ADGRV1: variants seen among roughly 807,000 people sequenced by gnomAD.
The protein encoded by ADGRV1 is adhesion G protein-coupled receptor V1.
ADGRV1 carries 359 observed loss-of-function variants against 596.2 expected under a neutral mutation model. That is an observed-to-expected ratio of 0.60 (90% CI 0.55 to 0.66). The LOEUF (loss-of-function observed/expected upper bound fraction) is 0.66. Ranked by LOEUF, ADGRV1 falls within the 30% of genes least tolerant of loss-of-function variation. The pLI is 0.00. For synonymous variants in ADGRV1, 2,681 were observed against 2,679.2 expected (o/e 1.00, Z -0.02); for missense variants, 7,274 against 7,575.6 (o/e 0.96, Z 1.48).
intron 85 of ADGRV1, among the ~76,000 whole-genome samples, chr5:91,018,192 G>A (rs1783331297): frequency 6.6e-6 from 1 of 151,960 alleles, no homozygotes; most frequent in Non-Finnish European, 1.5e-5. Context: ...GACCTTGTCT[G>A]TTCTGAAAGA....
At chr5:90,747,896 G>A (rs773564243) in intron 52 of ADGRV1, among the ~76,000 whole-genome samples, 56 of 152,148 alleles carry the variant, frequency 3.7e-4, no homozygotes, top group South Asian at 1.4e-3. Flanking sequence ...AAGCCCATTA[G>A]CATTGTAATG....
At chr5:90,785,954 A>G (rs1166597332) in intron 67 of ADGRV1, among the ~76,000 whole-genome samples, 1 of 152,208 alleles carries the variant, frequency 6.6e-6, no homozygotes. Context: ...ATGCACACGT[A>G]TTTTTATTGC....
chr5:90,621,111 G>A (rs1014598838), intron 4 of ADGRV1, among the ~76,000 whole-genome samples: 3 of 152,152 alleles, frequency 2.0e-5, no homozygotes, highest in Non-Finnish European at 2.9e-5. Flanking sequence ...CTAAAACCAA[G>A]TTTATCTCCA....
intron 29 of ADGRV1, among the ~76,000 whole-genome samples, chr5:90,688,450 C>T (rs1018595276): frequency 1.3e-5 from 2 of 152,056 alleles, no homozygotes; most frequent in African/African-American, 2.4e-5. Context: ...GTCCGCCTCC[C>T]GGGTTCAAGA....
At chr5:90,815,795 T>C in intron 75 of ADGRV1, 59 bp downstream of exon 75, 1 of 994,004 alleles carries the variant, frequency 1.0e-6, no homozygotes, top group Non-Finnish European at 1.6e-6. Flanking sequence ...ACAAATGTAA[T>C]TTCAATTCAT....
chr5:90,703,721 G>A lies in ADGRV1; in HGVS notation c.8212G>A (p.Val2738Ile), dbSNP rs1293681326. ...RTFPGRGNVT[V>I]NWKIIGQNLE... ...TTTCCCTGGTCGAGGAAATGTTACT[G>A]TTAACTGGAAAATTATTGGGCAAAA... is the stretch of plus-strand genomic sequence containing the variant. The change falls in exon 35 of 90, where the codon GTT becomes ATT. Residue 2738 changes from valine to isoleucine, a missense_variant. Physicochemically the swap from Val to Ile is conservative, Grantham distance 29 (BLOSUM62 3). This residue lies in a region of ADGRV1 where 3,643 missense variants were observed against 3,809.2 expected (regional missense o/e 0.96). Coordinates refer to ENST00000405460, the MANE Select transcript of ADGRV1 (RefSeq NM_032119.4). 3 of 1,604,864 alleles carry A rather than the reference G, an allele frequency of 1.9e-6. No homozygotes were observed. The highest frequency in any genetic ancestry group is 1.7e-5 in the Admixed American group (1 of 59,000).
intron 59 of ADGRV1, among the ~76,000 whole-genome samples, chr5:90,766,132 A>T (rs1757113268): frequency 6.6e-6 from 1 of 151,926 alleles, no homozygotes; most frequent in African/African-American, 2.4e-5. Flanking sequence ...GATGGTCTTG[A>T]TCTCCTGACC....
intron 5 of ADGRV1, among the ~76,000 whole-genome samples, chr5:90,624,387 T>G (rs1162870347): frequency 2.0e-5 from 3 of 152,212 alleles, no homozygotes; most frequent in Admixed American, 2.0e-4. Context: ...TGTTTTCAAC[T>G]TATCTATGGA....
chr5:90,622,541 G>T (rs73181620), intron 4 of ADGRV1, 56 bp from the exon 5 acceptor site: 2 of 697,050 alleles, frequency 2.9e-6, no homozygotes, highest in Non-Finnish European at 2.1e-6. Flanking sequence ...AGTTTTTACC[G>T]CCTCATACCT....
At chr5:90,610,254 A>G (rs1322188687) in intron 1 of ADGRV1, among the ~76,000 whole-genome samples, 1 of 152,016 alleles carries the variant, frequency 6.6e-6, no homozygotes, top group Non-Finnish European at 1.5e-5. Context: ...TGATGCTCTT[A>G]TGGGCTACGT....
intron 1 of ADGRV1, among the ~76,000 whole-genome samples, chr5:90,564,576 C>G (rs1270732941): frequency 6.6e-6 from 1 of 151,418 alleles, no homozygotes; most frequent in Non-Finnish European, 1.5e-5. Flanking sequence ...ATATGAAAAA[C>G]AATCACCTTT....
At chr5:90,853,200 G>A in intron 79 of ADGRV1, 84 bp from the exon 80 acceptor site, 1 of 1,293,420 alleles carries the variant, frequency 7.7e-7, no homozygotes, top group South Asian at 1.6e-5. Context: ...TAGAATCCAA[G>A]TGTAATGCAC....
rs944795830 is a variant in ADGRV1 at position 90,861,580 on chromosome 5, A to G, written c.17756-2177A>G. ...CACCTTGGCCTCCCAAAGTGCTGGG[A>G]TTACAGGCCTGAGCCACCATGCCCG... On this transcript the variant is annotated intron_variant, in intron 82 of 89. Coordinates refer to ENST00000405460, the MANE Select transcript of ADGRV1 (RefSeq NM_032119.4). Among the ~76,000 whole-genome samples, 5 of 152,216 alleles carry G rather than the reference A, an allele frequency of 3.3e-5. No homozygotes were observed. In the East Asian group the frequency reaches 7.7e-4, roughly 24 times the overall value.
intron 1 of ADGRV1, among the ~76,000 whole-genome samples, chr5:90,596,495 G>A (rs1028934481): frequency 1.3e-5 from 2 of 152,104 alleles, no homozygotes; most frequent in African/African-American, 4.8e-5. Context: ...TCCAGCCTGG[G>A]CACCATTGAG....
At chr5:90,831,229 C>CTA (rs1197499834) in intron 77 of ADGRV1, among the ~76,000 whole-genome samples, 14 of 151,276 alleles carry the variant, frequency 9.3e-5, no homozygotes, top group South Asian at 2.1e-4. Flanking sequence ...CTCTCTCTCT[C>CTA]TCTCTCTATA....
chr5:90,802,911 G>A (rs183976543), intron 71 of ADGRV1, 29 bp downstream of exon 71: 364 of 1,580,448 alleles, frequency 2.3e-4, no homozygotes, highest in Admixed American at 8.1e-4. Context: ...GGTTCTCTCA[G>A]CAGAACACTA....
chr5:90,637,047 CT>C, intron 10 of ADGRV1, among the ~76,000 whole-genome samples: 1 of 152,226 alleles, frequency 6.6e-6, no homozygotes, highest in South Asian at 2.1e-4. Flanking sequence ...TTAGCTTATA[CT>C]GTGGAGAGGC....
chr5:90,870,136 G>T (rs970963796), intron 83 of ADGRV1, among the ~76,000 whole-genome samples: 1 of 152,170 alleles, frequency 6.6e-6, no homozygotes, highest in African/African-American at 2.4e-5. Context: ...TAAATGTACA[G>T]CTTCTTGACA....
At chr5:90,581,806 A>G (rs889230930) in intron 1 of ADGRV1, among the ~76,000 whole-genome samples, 29 of 152,318 alleles carry the variant, frequency 1.9e-4, no homozygotes, top group African/African-American at 6.7e-4. Flanking sequence ...TAACTTCTTG[A>G]TAAAGGTGTT....
Sources: gnomAD v4.1 joint callset for allele counts (sites outside exome capture counted in the v4.1 genomes callset) on GRCh38, gnomAD v4.1.1 for gene constraint, gnomAD v4.1.1 regional missense constraint, MANE v1.5 for transcripts, NCBI Gene and HGNC (gene_info 2026-07-23, HGNC 2026-07-21) for gene names.